Variants in EXOC5 observed in about 807,000 individuals in gnomAD.
EXOC5 encodes exocyst complex component 5.
A neutral mutation model predicts 90.8 loss-of-function variants in EXOC5; 17 were observed. The observed-to-expected ratio is 0.19, with a 90% CI of 0.13 to 0.28. EXOC5 has a LOEUF of 0.28. Among genes scored for constraint, EXOC5 ranks in the 10% least tolerant of loss-of-function variants. The pLI, the probability that EXOC5 is intolerant of heterozygous loss-of-function variation, is 1.00. For missense variants in EXOC5, 569 were observed against 830.6 expected, an observed-to-expected ratio of 0.69 and a Z score of 3.87; for synonymous variants, 260 against 270.0, an observed-to-expected ratio of 0.96 and a Z score of 0.36.
At chr14:57,233,705 C>A in intron 9 of EXOC5, 38 bp downstream of exon 9, 1 of 1,271,698 alleles carries the variant, frequency 7.9e-7, no homozygotes, top group South Asian at 1.4e-5. Context: ...TTACATATTG[C>A]TTTAAGAACT....
chr14:57,211,137 G>A (rs1276374868), intron 15 of EXOC5, among the ~76,000 whole-genome samples: 1 of 152,104 alleles, frequency 6.6e-6, no homozygotes, highest in Non-Finnish European at 1.5e-5. Context: ...AATGTACACT[G>A]CTGTACCTTT....
intron 1 of EXOC5, among the ~76,000 whole-genome samples, chr14:57,253,833 A>G (rs74495039): frequency 2.5e-4 from 38 of 152,310 alleles, no homozygotes; most frequent in African/African-American, 9.1e-4. Context: ...ACCTAACACC[A>G]AACAAAAATT....
intron 1 of EXOC5, among the ~76,000 whole-genome samples, chr14:57,252,918 T>G (rs1450074939): frequency 6.6e-6 from 1 of 151,834 alleles, no homozygotes; most frequent in Non-Finnish European, 1.5e-5. Context: ...ATAAAGAAAA[T>G]ACAGCATATA....
Position 57,206,566 on chromosome 14 carries a change from A to G in EXOC5, c.*2043T>C, listed in dbSNP as rs1314122266. 1.3e-5 allele frequency: 2 copies of G among 152,364 alleles called. No homozygotes were observed. Among genetic ancestry groups the G allele is most frequent in the East Asian group, 3.9e-4 (2 of 5,194 alleles). 9.4% of individuals were successfully genotyped at this position (152,364 alleles called of 1,614,324 possible). On this transcript the variant is annotated 3_prime_UTR_variant, in exon 18 of 18. Coordinates refer to ENST00000621441, the MANE Select transcript of EXOC5 (RefSeq NM_006544.4). ...TTCAGGATGGATGGCTCTAAAATAT[A>G]AAAAGAGTGAAATAAAAAAAACAAC...
intron 14 of EXOC5, among the ~76,000 whole-genome samples, chr14:57,218,798 T>G (rs948935282): frequency 1.3e-5 from 2 of 152,090 alleles, no homozygotes; most frequent in African/African-American, 4.8e-5. Flanking sequence ...AAACAGATAA[T>G]TCTGTAAAGC....
intron 1 of EXOC5, among the ~76,000 whole-genome samples, chr14:57,257,620 G>C (rs968602917): frequency 6.6e-6 from 1 of 151,930 alleles, no homozygotes. Flanking sequence ...TATCACAAGG[G>C]TTTACGAGAA....
Position 57,232,651 on chromosome 14 carries a change from A to G in EXOC5, c.938+16T>C. 9.1e-7 allele frequency: 1 copy of G among 1,096,508 alleles called. No individual in the cohort carries two copies. Among genetic ancestry groups the G allele is most frequent in the Non-Finnish European group, 1.3e-6 (1 of 752,806 alleles). The allele number at this position is 1,096,508 out of a possible 1,614,324, so 67.9% of individuals were successfully genotyped here. A position where few individuals can be genotyped will look rare whatever the true frequency, so the allele number is the denominator to read the frequency against. ...AAAATCTGTTATCTATTATTTTCTA[A>G]TCATTAAAAATTTACCTTGTATACA... On this transcript the variant is annotated intron_variant, in intron 10 of 17. Transcript: ENST00000621441.
In EXOC5 at chr14:57,231,491, A is replaced by G. The variant is rs760851081; in HGVS notation, c.1148+15T>C. 5 of 1,565,436 alleles carry G rather than the reference A, an allele frequency of 3.2e-6. No homozygotes were observed. The African/African-American group carries it at 5.5e-5, about 17-fold the overall frequency. The stretch of plus-strand genomic sequence containing the variant: ...GTCTTCAGTTTTAACAGAAGTATTT[A>G]ACAAAAATACTCACCCTCCTGTGCC... On this transcript the variant is annotated intron_variant, in intron 11 of 17. Coordinates refer to ENST00000621441, the MANE Select transcript of EXOC5 (RefSeq NM_006544.4).
At chr14:57,245,289 T>C (rs754614059) in intron 3 of EXOC5, among the ~76,000 whole-genome samples, 2 of 151,964 alleles carry the variant, frequency 1.3e-5, no homozygotes, top group Non-Finnish European at 2.9e-5. Context: ...TAAACTGAGG[T>C]GGGGAAGAGC....
chr14:57,227,149 C>A (rs1031086042), intron 12 of EXOC5, among the ~76,000 whole-genome samples: 2 of 152,120 alleles, frequency 1.3e-5, no homozygotes, highest in Admixed American at 6.5e-5. Context: ...TGAACAAACA[C>A]TTCACCAGAG....
intron 15 of EXOC5, among the ~76,000 whole-genome samples, chr14:57,215,169 T>C (rs1276941648): frequency 6.6e-6 from 1 of 151,420 alleles, no homozygotes; most frequent in African/African-American, 2.4e-5. Context: ...GAGGTGGAGG[T>C]TGCAGTGAGC....
chr14:57,239,675 T>C lies in EXOC5; in HGVS notation c.466-16A>G. 2.7e-6 allele frequency: 4 copies of C among 1,461,740 alleles called. No individual in the cohort carries two copies. Among genetic ancestry groups the C allele is most frequent in the South Asian group, 2.7e-5 (2 of 74,084 alleles). 90.5% of individuals were successfully genotyped at this position (1,461,740 alleles called of 1,614,324 possible). On this transcript the variant is annotated splice_polypyrimidine_tract_variant and intron_variant, in intron 4 of 17. Transcript: ENST00000621441. Reference sequence around the variant, plus strand: ...CTTCCTTTATCTATGAAAAAATAAATAAAAGCAATAATTTAAAAAACTTTT... The same window carrying C: ...CTTCCTTTATCTATGAAAAAATAAACAAAAGCAATAATTTAAAAAACTTTT...
At chr14:57,253,457 T>C (rs1307711885) in intron 1 of EXOC5, among the ~76,000 whole-genome samples, 1 of 152,212 alleles carries the variant, frequency 6.6e-6, no homozygotes, top group Non-Finnish European at 1.5e-5. Flanking sequence ...ACAACGTCAA[T>C]ACTACCCAAA....
intron 1 of EXOC5, among the ~76,000 whole-genome samples, chr14:57,260,627 C>T (rs548147637): frequency 1.3e-5 from 2 of 152,200 alleles, no homozygotes; most frequent in Admixed American, 6.5e-5. Flanking sequence ...ACAAATGTTA[C>T]AATTCCTGTT....
chr14:57,252,372 G>T (rs1214949182), intron 1 of EXOC5, among the ~76,000 whole-genome samples: 2 of 152,064 alleles, frequency 1.3e-5, no homozygotes, highest in Non-Finnish European at 2.9e-5. Context: ...CAGAACAGGA[G>T]AAAATATCTA....
chr14:57,222,786 C>T (rs1594654599), intron 12 of EXOC5, among the ~76,000 whole-genome samples: 1 of 149,238 alleles, frequency 6.7e-6, no homozygotes, highest in Non-Finnish European at 1.5e-5. Flanking sequence ...TATATGTATA[C>T]ACACACACAC....
chr14:57,229,820 C>A lies in EXOC5; in HGVS notation c.1210G>T (p.Asp404Tyr). ...RTNLPLGPSIDTHGETFLSQE... is the reference protein window; with the variant it reads ...RTNLPLGPSIYTHGETFLSQE... ...GATAGAAAAGTCTCCCCATGAGTAT[C>A]GATACTTGGCCCAAGTGGTAAGTTG... is the stretch of plus-strand genomic sequence containing the variant. The change falls in exon 12 of 18, where the codon GAT becomes TAT. Residue 404 changes from aspartate (D) to tyrosine (Y), a missense_variant. By Grantham distance (160) the Asp-to-Tyr change is radical. Transcript: ENST00000621441. 1 of 1,528,378 alleles carries A rather than the reference C, an allele frequency of 6.5e-7. No individual in the cohort carries two copies. The highest frequency in any genetic ancestry group is 8.8e-7 in the Non-Finnish European group (1 of 1,130,912). 94.7% of individuals were successfully genotyped at this position (1,528,378 alleles called of 1,614,324 possible).
At chr14:57,265,067 G>A (rs868593250) in intron 1 of EXOC5, among the ~76,000 whole-genome samples, 2 of 151,302 alleles carry the variant, frequency 1.3e-5, no homozygotes, top group South Asian at 4.2e-4. Context: ...AACATATTAA[G>A]GTATACCGCA....
At chr14:57,241,934 C>T (rs183836970) in intron 4 of EXOC5, among the ~76,000 whole-genome samples, 3 of 151,958 alleles carry the variant, frequency 2.0e-5, no homozygotes, top group African/African-American at 7.2e-5. Context: ...TAGATGGAGA[C>T]CATCCTGGCT....
Sources: allele counts gnomAD v4.1 joint callset (sites outside exome capture counted in the v4.1 genomes callset), GRCh38; gene constraint gnomAD v4.1.1; transcripts MANE v1.5; gene names NCBI Gene and HGNC (gene_info 2026-07-23, HGNC 2026-07-21).